Variants in LCP2 observed in about 807,000 individuals in gnomAD.
The protein encoded by LCP2 is lymphocyte cytosolic protein 2, also known as 76 kDa tyrosine phosphoprotein.
Under a neutral mutation model 74.5 loss-of-function variants are expected in LCP2, and 29 were observed. The ratio of observed to expected loss-of-function variants is 0.39; its 90% CI spans 0.29 to 0.53. The LOEUF is 0.53. LCP2 is among the 20% of genes least tolerant of loss of function. The pLI is 0.72. For missense variants in LCP2, 604 were observed against 634.6 expected, an observed-to-expected ratio of 0.95 and a Z score of 0.52; for synonymous variants, 228 against 229.5, an observed-to-expected ratio of 0.99 and a Z score of 0.06.
chr5:170,262,437 A>G (rs1435595828), intron 13 of LCP2, among the ~76,000 whole-genome samples, 198 bp downstream of exon 13: 3 of 152,224 alleles, frequency 2.0e-5, no homozygotes, highest in Non-Finnish European at 4.4e-5. Context: ...ATTTCTCAGT[A>G]GAGTCCATTT....
chr5:170,288,049 C>A (rs767129694), intron 2 of LCP2, 33 bp from the exon 3 acceptor site: 1 of 1,607,910 alleles, frequency 6.2e-7, no homozygotes, highest in Non-Finnish European at 8.5e-7. Flanking sequence ...AGGCAGGTTA[C>A]AACCCACAGA....
At chr5:170,293,962 T>TA (rs1432199337) in intron 1 of LCP2, among the ~76,000 whole-genome samples, 2 of 152,206 alleles carry the variant, frequency 1.3e-5, no homozygotes, top group Non-Finnish European at 1.5e-5. Context: ...ATAATGATAA[T>TA]AAAAACGGCG....
At chr5:170,262,261 A>G (rs1245189865) in intron 13 of LCP2, among the ~76,000 whole-genome samples, 1 of 152,122 alleles carries the variant, frequency 6.6e-6, no homozygotes, top group Non-Finnish European at 1.5e-5. Flanking sequence ...ACCTCCCCCA[A>G]CCATTTCCTG....
At chr5:170,251,772 C>T (rs1023143545) in intron 19 of LCP2, 25 of 394,560 alleles carry the variant, frequency 6.3e-5, no homozygotes, top group Admixed American at 2.2e-4. Context: ...CACAGCACCC[C>T]CAGAATAATT....
At chr5:170,281,314 C>T (rs1462938873) in intron 3 of LCP2, among the ~76,000 whole-genome samples, 5 of 151,750 alleles carry the variant, frequency 3.3e-5, no homozygotes, top group Non-Finnish European at 7.4e-5. Context: ...GAGTCTTGCT[C>T]TGTCCCCCAG....
chr5:170,253,805 G>C (rs1365649527), intron 17 of LCP2, among the ~76,000 whole-genome samples: 1 of 152,222 alleles, frequency 6.6e-6, no homozygotes, highest in African/African-American at 2.4e-5. Context: ...AGGCACTACA[G>C]ATCAGGAAGT....
chr5:170,270,710 G>A lies in LCP2; in HGVS notation c.523+9C>T, dbSNP rs1336288122. On this transcript the variant is annotated intron_variant, in intron 7 of 20. Coordinates refer to ENST00000046794, the MANE Select transcript of LCP2 (RefSeq NM_005565.5). ...GCTCGGGCCAGAAAATCCGGAAACG[G>A]GCCCTTACCGATGTACATGGAGTTG... The A allele has an allele frequency of 2.6e-6, 4 of 1,562,218 alleles. No homozygotes were observed. Among genetic ancestry groups the A allele is most frequent in the South Asian group, 1.2e-5 (1 of 82,904 alleles).
chr5:170,249,439 T>C (rs1265180615), intron 20 of LCP2, among the ~76,000 whole-genome samples: 1 of 151,718 alleles, frequency 6.6e-6, no homozygotes, highest in Non-Finnish European at 1.5e-5. Flanking sequence ...TAACTTCATA[T>C]GAAGGGGTCA....
chr5:170,270,970 G>A (rs778119948), intron 6 of LCP2, 53 bp from the exon 7 acceptor site: 184 of 1,474,022 alleles, frequency 1.2e-4, no homozygotes, highest in Non-Finnish European at 1.6e-4. Context: ...TGTGGCCCTC[G>A]ATGTGCCTGT....
Position 170,250,757 on chromosome 5 carries a change from C to G in LCP2, c.1452G>C (p.Leu484Phe), listed in dbSNP as rs754665101. 15 of 1,613,504 alleles carry G rather than the reference C, an allele frequency of 9.3e-6. No individual in the cohort carries two copies. Among genetic ancestry groups the G allele is most frequent in the East Asian group, 4.5e-5 (2 of 44,860 alleles). ...CTTTCCCTCGGAGTCCAGTTCCCAA[C>G]AAGTAAACTTGACTTTCCTTCTGAT... ...IRYQKESQVY[L>F]LGTGLRGKED... The change falls in exon 20 of 21, where the codon TTG (leucine) becomes TTC (phenylalanine). Residue 484 changes from leucine to phenylalanine, a missense_variant. Leu to Phe is a conservative substitution (Grantham distance 22). Coordinates refer to ENST00000046794, the MANE Select transcript of LCP2 (RefSeq NM_005565.5).
chr5:170,293,443 C>T (rs1762323330), intron 1 of LCP2, 71 bp from the exon 2 acceptor site: 1 of 1,443,234 alleles, frequency 6.9e-7, no homozygotes, highest in Non-Finnish European at 9.5e-7. Flanking sequence ...CCCTTGCCTG[C>T]CCCAGAAACT....
chr5:170,274,327 C>T lies in LCP2; in HGVS notation c.298G>A (p.Glu100Lys), dbSNP rs775449110. The change falls in exon 6 of 21, where the codon GAG (glutamate) becomes AAG (lysine). Residue 100 changes from glutamate to lysine, a missense_variant. By Grantham distance (56) the Glu-to-Lys change is moderately conservative. Transcript: ENST00000046794. ...RFPEETESHE[E>K]DNGGWSSFEE... is the part of the protein sequence containing the mutation. ...AAGGACGACCAGCCCCCATTGTCCT[C>T]TTCGTGGCTTTCTGTGGAAGGAGAT... The T allele has an allele frequency of 6.2e-7, 1 of 1,613,300 alleles. No homozygotes were observed. Among genetic ancestry groups the T allele is most frequent in the Non-Finnish European group, 8.5e-7 (1 of 1,179,636 alleles).
At chr5:170,267,620 C>T (rs1257515574) in intron 8 of LCP2, among the ~76,000 whole-genome samples, 2 of 151,574 alleles carry the variant, frequency 1.3e-5, no homozygotes, top group East Asian at 3.9e-4. Flanking sequence ...CTTCCGTCCC[C>T]CGAACCACAC....
At chr5:170,267,419 C>G in intron 8 of LCP2, 1 of 379,008 alleles carries the variant, frequency 2.6e-6, no homozygotes, top group South Asian at 2.9e-5. Flanking sequence ...GATCCCTTCT[C>G]AGTACTCATG....
At chr5:170,279,035 C>A (rs1161184876) in intron 3 of LCP2, among the ~76,000 whole-genome samples, 2 of 152,132 alleles carry the variant, frequency 1.3e-5, no homozygotes, top group African/African-American at 4.8e-5. Flanking sequence ...ACACCCTACC[C>A]CCAGAGGACC....
intron 7 of LCP2, among the ~76,000 whole-genome samples, chr5:170,269,829 A>G (rs1186605857): frequency 1.3e-5 from 2 of 152,100 alleles, no homozygotes; most frequent in Non-Finnish European, 2.9e-5. Flanking sequence ...TGACTCATCC[A>G]TTGCTTTTCC....
intron 6 of LCP2, 143 bp from the exon 7 acceptor site, chr5:170,271,060 G>A: frequency 1.5e-6 from 1 of 674,014 alleles, no homozygotes; most frequent in Non-Finnish European, 2.4e-6. Context: ...CCATTTTACA[G>A]ATGAGGAATC....
chr5:170,272,877 G>T (rs1761921438), intron 6 of LCP2, among the ~76,000 whole-genome samples: 1 of 151,798 alleles, frequency 6.6e-6, no homozygotes, highest in Non-Finnish European at 1.5e-5. Flanking sequence ...CTCCCAAAGT[G>T]TTGGGATTAC....
intron 2 of LCP2, among the ~76,000 whole-genome samples, chr5:170,289,637 CTTTCTT>C (rs1762246021): frequency 9.4e-6 from 1 of 106,642 alleles, no homozygotes; most frequent in Non-Finnish European, 1.9e-5. Flanking sequence ...TTCTTTCTTT[CTTTCTT>C]TCTTTCTTTC....
Sources: allele counts gnomAD v4.1 joint callset (sites outside exome capture counted in the v4.1 genomes callset), GRCh38; gene constraint gnomAD v4.1.1; transcripts MANE v1.5; gene names NCBI Gene and HGNC (gene_info 2026-07-23, HGNC 2026-07-21).